CALCRL: variants seen among roughly 807,000 people sequenced by gnomAD.
CALCRL encodes the protein calcitonin receptor like receptor.
A neutral mutation model predicts 60.4 loss-of-function variants in CALCRL; 27 were observed. The observed-to-expected ratio is 0.45, with a 90% CI of 0.33 to 0.62. CALCRL has a LOEUF of 0.62. CALCRL is among the 20% of genes least tolerant of loss of function. The pLI is 0.03. For synonymous variants in CALCRL, 190 were observed against 182.6 expected, an observed-to-expected ratio of 1.04 and a Z score of -0.33; for missense variants, 424 against 540.7, an observed-to-expected ratio of 0.78 and a Z score of 2.14.
rs1686213328 is a variant in CALCRL at position 187,344,815 on chromosome 2, A to T, written c.*1369T>A. The T allele has an allele frequency of 6.6e-6, 1 of 151,772 alleles. No homozygotes were observed. The highest frequency in any genetic ancestry group is 2.4e-5 in the African/African-American group (1 of 41,402). The allele number at this position is 151,772 out of a possible 1,614,324, so 9.4% of individuals were successfully genotyped here. On this transcript the variant is annotated 3_prime_UTR_variant, in exon 15 of 15. Transcript: ENST00000392370. ...ATCTTCACATAGTAAAAGTCAGTAA[A>T]GTAATATTTTAATGGGGTAAAATCT...
chr2:187,415,700 A>C (rs1689573821), intron 1 of CALCRL: 4 of 583,304 alleles, frequency 6.9e-6, no homozygotes, highest in Admixed American at 4.5e-5. Context: ...TCCGACTTCA[A>C]CAGTGACACC....
chr2:187,390,584 C>T (rs985147971), intron 1 of CALCRL, among the ~76,000 whole-genome samples: 2 of 152,084 alleles, frequency 1.3e-5, no homozygotes, highest in Admixed American at 6.6e-5. Flanking sequence ...CAAAAAGTAT[C>T]TTAGTGAAAT....
intron 1 of CALCRL, among the ~76,000 whole-genome samples, chr2:187,406,047 T>A (rs925064810): frequency 1.3e-5 from 2 of 151,550 alleles, no homozygotes; most frequent in African/African-American, 4.8e-5. Flanking sequence ...GTTGTGTCTG[T>A]TAATATAAAA....
chr2:187,355,172 C>T (rs553773159), intron 12 of CALCRL, among the ~76,000 whole-genome samples: 2 of 152,158 alleles, frequency 1.3e-5, no homozygotes, highest in South Asian at 4.1e-4. Context: ...TCCATCATTA[C>T]AGATGAGAAA....
chr2:187,419,119 C>T (rs930869701), intron 1 of CALCRL, among the ~76,000 whole-genome samples: 1 of 150,518 alleles, frequency 6.6e-6, no homozygotes, highest in African/African-American at 2.5e-5. Context: ...ATGATCCACC[C>T]GCCTCGGACT....
intron 1 of CALCRL, among the ~76,000 whole-genome samples, chr2:187,444,015 A>G: frequency 6.6e-6 from 1 of 151,682 alleles, no homozygotes; most frequent in East Asian, 1.9e-4. Flanking sequence ...TGTGCTCACG[A>G]ATATGCTATT....
At chr2:187,399,779 A>T (rs990473324) in intron 1 of CALCRL, among the ~76,000 whole-genome samples, 3 of 151,606 alleles carry the variant, frequency 2.0e-5, no homozygotes, top group Admixed American at 1.3e-4. Context: ...GCCATAAAAA[A>T]GAATGAAATC....
intron 1 of CALCRL, among the ~76,000 whole-genome samples, chr2:187,398,243 G>A (rs1189890754): frequency 1.3e-5 from 2 of 151,652 alleles, no homozygotes; most frequent in African/African-American, 4.8e-5. Context: ...TCTTTGGAAT[G>A]AGAGCCTTAT....
chr2:187,432,963 G>T (rs1690464635), intron 1 of CALCRL, among the ~76,000 whole-genome samples: 1 of 152,046 alleles, frequency 6.6e-6, no homozygotes, highest in African/African-American at 2.4e-5. Flanking sequence ...CAGCCTAGAT[G>T]TGTAGTAGGC....
chr2:187,378,797 A>G, intron 8 of CALCRL, 143 bp downstream of exon 8: 1 of 536,606 alleles, frequency 1.9e-6, no homozygotes, highest in Non-Finnish European at 3.3e-6. Flanking sequence ...TACAAAGCTA[A>G]GATCAACTTA....
chr2:187,385,087 T>C (rs553357667), intron 4 of CALCRL, among the ~76,000 whole-genome samples: 10 of 152,280 alleles, frequency 6.6e-5, no homozygotes, highest in Admixed American at 5.9e-4. Flanking sequence ...GAATGAATGA[T>C]TGAGGAAATT....
intron 8 of CALCRL, among the ~76,000 whole-genome samples, chr2:187,376,370 A>C (rs1428820407): frequency 6.6e-6 from 1 of 152,028 alleles, no homozygotes; most frequent in African/African-American, 2.4e-5. Context: ...TTCTGGCTTA[A>C]CACTCTTGGT....
rs771867537 is a variant in CALCRL at position 187,363,427 on chromosome 2, G to T, written c.576C>A (p.Ile192=). The T allele has an allele frequency of 3.2e-5, 52 of 1,612,418 alleles. 1 individual carries two copies. The highest frequency in any genetic ancestry group is 1.9e-4 in the South Asian group (17 of 90,884). Residue 192 remains isoleucine (I), a synonymous_variant, in exon 9 of 15, where the codon ATC becomes ATA. Transcript: ENST00000392370. The stretch of plus-strand genomic sequence containing the variant: ...TGTTGGCCACTGCAGTGAGGTGAAT[G>T]ATTGTTACAACAGAGTTACAAACAA... ...FSFVCNSVVT[I]IHLTAVANNQ...
At chr2:187,446,215 A>G (rs1691174065) in intron 1 of CALCRL, among the ~76,000 whole-genome samples, 1 of 151,702 alleles carries the variant, frequency 6.6e-6, no homozygotes, top group East Asian at 1.9e-4. Context: ...AGCAAAGTAA[A>G]TTCATTTCTT....
chr2:187,393,300 A>T (rs542379266), intron 1 of CALCRL, among the ~76,000 whole-genome samples: 1 of 152,254 alleles, frequency 6.6e-6, no homozygotes, highest in East Asian at 1.9e-4. Context: ...TTGGCCTGTT[A>T]TACTTGGGGA....
chr2:187,414,003 A>G lies in CALCRL; in HGVS notation c.-292-26247T>C, dbSNP rs573077350. Among the ~76,000 whole-genome samples the G allele has an allele frequency of 6.6e-5, 10 of 152,268 alleles. No individual in the cohort carries two copies. In the South Asian group the frequency reaches 1.9e-3, roughly 28 times the overall value. On this transcript the variant is annotated intron_variant, in intron 1 of 14. Transcript: ENST00000392370. Reference sequence around the variant, plus strand: ...ATAATAATATTATATTTCATTTTATATCCTATATGTGACTATTACTTGACA... The same window carrying G: ...ATAATAATATTATATTTCATTTTATGTCCTATATGTGACTATTACTTGACA...
intron 8 of CALCRL, among the ~76,000 whole-genome samples, chr2:187,369,079 TAG>T (rs1239760581): frequency 6.6e-6 from 1 of 152,140 alleles, no homozygotes; most frequent in Non-Finnish European, 1.5e-5. Context: ...ATGAAGGTCC[TAG>T]AGGATAAATT....
At chr2:187,393,136 A>C (rs958785938) in intron 1 of CALCRL, among the ~76,000 whole-genome samples, 3 of 152,204 alleles carry the variant, frequency 2.0e-5, no homozygotes, top group African/African-American at 7.2e-5. Flanking sequence ...CCATGTCCTC[A>C]AAGTGTGAGG....
Position 187,346,037 on chromosome 2 carries a change from T to C in CALCRL, c.*147A>G. 1.7e-6 allele frequency: 1 copy of C among 586,922 alleles called. No individual in the cohort carries two copies. Among genetic ancestry groups the C allele is most frequent in the South Asian group, 2.3e-5 (1 of 43,824 alleles). 36.4% of individuals were successfully genotyped at this position (586,922 alleles called of 1,614,324 possible). A position where few individuals can be genotyped will look rare whatever the true frequency, so the allele number is the denominator to read the frequency against. On this transcript the variant is annotated 3_prime_UTR_variant, in exon 15 of 15. Coordinates refer to ENST00000392370, the MANE Select transcript of CALCRL (RefSeq NM_005795.6). The stretch of plus-strand genomic sequence containing the variant: ...CATAGAGCTGGATGTTACACTCTTA[T>C]CAACACACTACTAATTTCATGTGAA...
Sources: allele counts gnomAD v4.1 joint callset (sites outside exome capture counted in the v4.1 genomes callset), GRCh38; gene constraint gnomAD v4.1.1; transcripts MANE v1.5; gene names NCBI Gene and HGNC (gene_info 2026-07-23, HGNC 2026-07-21).